PYY: variants seen among roughly 807,000 people sequenced by gnomAD.
PYY encodes the protein peptide tyrosine tyrosine.
A neutral mutation model predicts 10.3 loss-of-function variants in PYY; 12 were observed. The observed-to-expected ratio is 1.17, with a 90% CI of 0.75 to 1.89. The LOEUF (loss-of-function observed/expected upper bound fraction) is 1.89. Ranked by LOEUF, PYY falls within the 40% of genes most tolerant of loss-of-function variation. The pLI is 0.00. For synonymous variants in PYY, 66 were observed against 62.0 expected, an observed-to-expected ratio of 1.06 and a Z score of -0.30; for missense variants, 141 against 134.0, an observed-to-expected ratio of 1.05 and a Z score of -0.26.
chr17:43,994,133 C>T (rs570867904), intron 1 of PYY, among the ~76,000 whole-genome samples: 2 of 151,800 alleles, frequency 1.3e-5, no homozygotes, highest in African/African-American at 2.4e-5. Context: ...GGATTACAGG[C>T]ATGGGCCACT....
chr17:43,953,211 G>C, intron 2 of PYY, 22 bp from the exon 3 acceptor site: 1 of 1,613,302 alleles, frequency 6.2e-7, no homozygotes, highest in Non-Finnish European at 8.5e-7. Flanking sequence ...GAAGGGAAGA[G>C]CGTGGTCAGA....
intron 1 of PYY, among the ~76,000 whole-genome samples, chr17:43,972,298 C>T (rs985498099): frequency 2.2e-4 from 34 of 151,412 alleles, no homozygotes; most frequent in Non-Finnish European, 3.7e-4. Context: ...GCTGCAACCT[C>T]CACCTCCCAG....
upstream of PYY, among the ~76,000 whole-genome samples, chr17:43,954,210 C>T (rs1035482937): frequency 6.6e-6 from 1 of 152,186 alleles, no homozygotes; most frequent in Admixed American, 6.5e-5. Context: ...CAGGTCTAGC[C>T]TCCTGAGGAA....
chr17:43,992,136 A>AC (rs914382532), intron 1 of PYY, among the ~76,000 whole-genome samples: 2 of 151,644 alleles, frequency 1.3e-5, no homozygotes, highest in African/African-American at 2.4e-5. Flanking sequence ...AAAAAAAAAA[A>AC]AAAAAACCTT....
chr17:43,975,724 AAAT>A (rs1381826394), intron 1 of PYY, among the ~76,000 whole-genome samples: 24 of 114,696 alleles, frequency 2.1e-4, no homozygotes, highest in African/African-American at 9.2e-4. Context: ...TGAAAAAAAA[AAAT>A]ATATATATAT....
chr17:43,992,127 A>AG lies in PYY; in HGVS notation c.-463+12263_-463+12264insC, dbSNP rs1459896916. Among the ~76,000 whole-genome samples, 164 of 151,562 alleles carry AG rather than the reference A, an allele frequency of 1.1e-3. 1 individual carries two copies. The highest frequency in any genetic ancestry group is 3.7e-3 in the African/African-American group (153 of 41,384). ...AGTGCAAGACTCTGTCTCAAAGAAA[A>AG]AAAAAAAAAAAAAAACCTTTACCAG... On this transcript the variant is annotated intron_variant, in intron 1 of 6. Coordinates refer to the PYY transcript ENST00000360085.
intron 2 of PYY, among the ~76,000 whole-genome samples, chr17:43,965,789 C>CAAAAAAAAAAAAA (rs67609128): frequency 2.2e-4 from 7 of 31,930 alleles, no homozygotes; most frequent in African/African-American, 3.4e-4. Flanking sequence ...ATCCATCTCA[C>CAAAAAAAAAAAAA]AAAAAAAAAA....
In PYY at chr17:43,952,863, T is replaced by C; in HGVS notation, c.*93A>G. 1 of 1,367,192 alleles carries C rather than the reference T, an allele frequency of 7.3e-7. No individual in the cohort carries two copies. The highest frequency in any genetic ancestry group is 9.8e-7 in the Non-Finnish European group (1 of 1,024,006). The allele number at this position is 1,367,192 out of a possible 1,614,324, so 84.7% of individuals were successfully genotyped here. A position where few individuals can be genotyped will look rare whatever the true frequency, so the allele number is the denominator to read the frequency against. On this transcript the variant is annotated 3_prime_UTR_variant, in exon 4 of 4. Transcript: ENST00000692052. The stretch of plus-strand genomic sequence containing the variant: ...CCCGAACCCTGCCCAGACGCCGCCG[T>C]CGGGAGGCAGAATCCGGGTTTCTGG...
chr17:43,976,330 TACATATACGTATATACAC>T (rs2048845013), intron 1 of PYY, among the ~76,000 whole-genome samples: 1 of 151,508 alleles, frequency 6.6e-6, no homozygotes, highest in African/African-American at 2.4e-5. Flanking sequence ...TATACATGTA[TACATATACGTATATACAC>T]ATATACATGT....
In PYY at chr17:43,959,250, C is replaced by T. The variant is rs566776410; in HGVS notation, c.-217-1222G>A. On this transcript the variant is annotated intron_variant, in intron 2 of 6. Transcript: ENST00000360085. ...GATTGCCCATTTAAGCTGACTTTTT[C>T]AAAACACTGGTCAATGACTCAGACC... Among the ~76,000 whole-genome samples, 44 of 152,314 alleles carry T rather than the reference C, an allele frequency of 2.9e-4. No individual in the cohort carries two copies. In the South Asian group the frequency reaches 9.1e-3, roughly 32 times the overall value.
At chr17:43,994,507 G>C (rs1349250452) in intron 1 of PYY, among the ~76,000 whole-genome samples, 1 of 152,118 alleles carries the variant, frequency 6.6e-6, no homozygotes, top group Non-Finnish European at 1.5e-5. Flanking sequence ...AAGATGGAAG[G>C]ATCCCCAGAG....
At chr17:43,977,937 C>T (rs1452661847) in intron 1 of PYY, among the ~76,000 whole-genome samples, 1 of 152,152 alleles carries the variant, frequency 6.6e-6, no homozygotes, top group East Asian at 1.9e-4. Context: ...CGGTGGCTCA[C>T]ACCTGTAATC....
intron 1 of PYY, among the ~76,000 whole-genome samples, chr17:43,984,265 G>A (rs1295094802): frequency 6.6e-6 from 1 of 152,200 alleles, no homozygotes; most frequent in Non-Finnish European, 1.5e-5. Flanking sequence ...GCCGAACCCG[G>A]TGCCCTGTCG....
chr17:43,967,659 T>A (rs2048763530), intron 1 of PYY, among the ~76,000 whole-genome samples: 1 of 152,102 alleles, frequency 6.6e-6, no homozygotes, highest in African/African-American at 2.4e-5. Context: ...TGAGATGGAG[T>A]AAGCAGCCTC....
rs200241695 is a variant in PYY, at chr17:43,953,156, A to T, written c.222T>A (p.Leu74=). ...CGCCGTCGGGGAAGAACGTTTTGGA[A>T]AGAAGCGTGTCCGGGCCGTCTCTTT... ...YGKRDGPDTL[L]SKTFFPDGED... is the part of the protein sequence containing the mutation. Residue 74 remains leucine (L), a synonymous_variant, in exon 3 of 4, where the codon CTT becomes CTA. Transcript: ENST00000692052. The T allele has an allele frequency of 2.5e-6, 4 of 1,613,820 alleles. No homozygotes were observed. The African/African-American group carries it at 5.3e-5, about 22-fold the overall frequency.
chr17:43,953,683 C>A (rs531907910), intron 1 of PYY, among the ~76,000 whole-genome samples, 167 bp downstream of exon 1: 2 of 152,034 alleles, frequency 1.3e-5, no homozygotes, highest in African/African-American at 2.4e-5. Context: ...GGAGCATAAG[C>A]CCTGCCTGCC....
At chr17:43,966,550 C>A (rs1362206787) in intron 1 of PYY, 1 of 152,216 alleles carries the variant, frequency 6.6e-6, no homozygotes, top group Non-Finnish European at 1.5e-5. Context: ...ACAAGGAAGT[C>A]ATATGAAATC....
rs1358583989 is a variant in PYY at position 43,975,726 on chromosome 17, ATATAT to A, written c.-462-9199_-462-9195del. Among the ~76,000 whole-genome samples the A allele has an allele frequency of 4.4e-4, 33 of 74,588 alleles. 5 individuals are homozygous for A. The highest frequency in any genetic ancestry group is 4.3e-3 in the East Asian group (3 of 690). The allele number at this position is 74,588 out of a possible 152,430, so 48.9% of individuals were successfully genotyped here. On this transcript the variant is annotated intron_variant, in intron 1 of 6. Coordinates refer to the PYY transcript ENST00000360085. ...AGGAGTAAGACCCTGAAAAAAAAAA[ATATAT>A]ATATATATATATATACACACACACA...
intron 1 of PYY, among the ~76,000 whole-genome samples, chr17:43,967,907 T>C (rs1439391544): frequency 6.6e-6 from 1 of 152,030 alleles, no homozygotes; most frequent in Non-Finnish European, 1.5e-5. Context: ...ACAGGAGAAA[T>C]GCTCGTTCTG....
Sources: allele counts gnomAD v4.1 joint callset (sites outside exome capture counted in the v4.1 genomes callset), GRCh38; gene constraint gnomAD v4.1.1; transcripts MANE v1.5; gene names NCBI Gene and HGNC (gene_info 2026-07-23, HGNC 2026-07-21).